The following ZNF257 variants were observed in gnomAD, a reference collection of about 807,000 sequenced individuals.
ZNF257 encodes the protein bone marrow zinc finger 4.
A neutral mutation model predicts 11.9 loss-of-function variants in ZNF257; 12 were observed. The ratio of observed to expected loss-of-function variants is 1.01; its 90% confidence interval spans 0.65 to 1.63. The LOEUF (loss-of-function observed/expected upper bound fraction) is 1.63. ZNF257 is among the 40% of genes most tolerant of loss of function. ZNF257 has a pLI of 0.00. For missense variants in ZNF257, 580 were observed against 665.5 expected (o/e 0.87, Z 1.41); for synonymous variants, 183 against 222.7 (o/e 0.82, Z 1.59).
At chr19:22,082,784 G>C (rs373099725) in intron 3 of ZNF257, among the ~76,000 whole-genome samples, 1 of 151,854 alleles carries the variant, frequency 6.6e-6, no homozygotes, top group African/African-American at 2.4e-5. Context: ...TTATATTTTT[G>C]TATTATATAT....
Position 22,086,548 on chromosome 19 carries a change from C to T in ZNF257, c.227-1429C>T, listed in dbSNP as rs145050673. 5.9e-3 allele frequency among the ~76,000 whole-genome samples: 894 copies of T among 151,886 alleles called. 9 individuals are homozygous for T. The highest frequency in any genetic ancestry group is 0.015 in the South Asian group (71 of 4,796). ...ATGATTATGTGTTGATTTCTTGCATCGTGTTATTTTCAGTGGAAGAAACTT... is the reference window on the plus strand; with the variant it reads ...ATGATTATGTGTTGATTTCTTGCATTGTGTTATTTTCAGTGGAAGAAACTT... On this transcript the variant is annotated intron_variant, in intron 3 of 3. Transcript: ENST00000594947.
intron 1 of ZNF257, among the ~76,000 whole-genome samples, chr19:22,054,917 T>TC (rs2021587835): frequency 9.1e-6 from 1 of 109,386 alleles, no homozygotes; most frequent in Admixed American, 8.5e-5. Context: ...ACTGGGTCTT[T>TC]TTTTTTTTTT....
intron 3 of ZNF257, among the ~76,000 whole-genome samples, chr19:22,077,385 A>T (rs976667135): frequency 2.0e-5 from 3 of 152,096 alleles, no homozygotes; most frequent in Non-Finnish European, 4.4e-5. Context: ...ACTTCCAGAA[A>T]TTTTCCATCT....
At chr19:22,058,893 T>C (rs1338049356) in intron 1 of ZNF257, among the ~76,000 whole-genome samples, 2 of 145,696 alleles carry the variant, frequency 1.4e-5, no homozygotes, top group Non-Finnish European at 3.1e-5. Flanking sequence ...AGCATTTTTA[T>C]CCTAATGTTT....
At chr19:22,073,005 TG>T in intron 2 of ZNF257, 70 bp downstream of exon 2, 2 of 1,411,474 alleles carry the variant, frequency 1.4e-6, no homozygotes, top group Non-Finnish European at 1.9e-6. Context: ...TTTTTTTTTT[TG>T]TAGAATGTTT....
At chr19:22,076,293 TAATA>T (rs886984660) in intron 3 of ZNF257, among the ~76,000 whole-genome samples, 4 of 149,896 alleles carry the variant, frequency 2.7e-5, no homozygotes, top group African/African-American at 7.3e-5. Context: ...ACAAAATAAA[TAATA>T]AATACATATA....
At chr19:22,057,685 G>A (rs1277119305) in intron 1 of ZNF257, among the ~76,000 whole-genome samples, 1 of 152,180 alleles carries the variant, frequency 6.6e-6, no homozygotes, top group Non-Finnish European at 1.5e-5. Flanking sequence ...GGCTGACAGG[G>A]ACTGACTTTC....
rs1355908954 is a variant in ZNF257, at chr19:22,074,495, G to T, written c.226+931G>T. 10 of 152,054 alleles carry T rather than the reference G, an allele frequency of 6.6e-5. 1 individual carries two copies. Among genetic ancestry groups the T allele is most frequent in the African/African-American group, 2.4e-4 (10 of 41,368 alleles). 9.4% of individuals were successfully genotyped at this position (152,054 alleles called of 1,614,324 possible). On this transcript the variant is annotated intron_variant, in intron 3 of 3. Coordinates refer to ENST00000594947, the MANE Select transcript of ZNF257 (RefSeq NM_033468.4). ...GCCTTTCAAGTAGCAGGGATTACAG[G>T]CACTCGCCACCATGCCTGGCTAATT... is the stretch of plus-strand genomic sequence containing the variant.
intron 1 of ZNF257, among the ~76,000 whole-genome samples, chr19:22,067,341 A>G (rs1428048695): frequency 2.0e-5 from 3 of 152,150 alleles, no homozygotes; most frequent in African/African-American, 7.2e-5. Flanking sequence ...ACACGTAGAC[A>G]TGAGAATCTC....
intron 1 of ZNF257, among the ~76,000 whole-genome samples, chr19:22,070,915 G>A (rs1195448583): frequency 6.6e-6 from 1 of 152,102 alleles, no homozygotes; most frequent in Non-Finnish European, 1.5e-5. Flanking sequence ...GTGGTTATAA[G>A]CCCAGACCTC....
chr19:22,091,462 A>C lies in ZNF257; in HGVS notation c.*2020A>C, dbSNP rs890586131. ...GCAACAAGAGCAAGACTTCGTCTCA[A>C]AAAAAAAAAAAAAAAAAAGACTTGT... On this transcript the variant is annotated 3_prime_UTR_variant, in exon 4 of 4. Coordinates refer to ENST00000594947, the MANE Select transcript of ZNF257 (RefSeq NM_033468.4). 1 of 148,338 alleles carries C rather than the reference A, an allele frequency of 6.7e-6. No individual in the cohort carries two copies. The highest frequency in any genetic ancestry group is 2.5e-5 in the African/African-American group (1 of 40,396). 9.2% of individuals were successfully genotyped at this position (148,338 alleles called of 1,614,324 possible). A position where few individuals can be genotyped will look rare whatever the true frequency, so the allele number is the denominator to read the frequency against.
chr19:22,080,357 C>T (rs1336724468), intron 3 of ZNF257, among the ~76,000 whole-genome samples: 3 of 152,142 alleles, frequency 2.0e-5, no homozygotes, highest in African/African-American at 7.2e-5. Context: ...CATGGGTTGG[C>T]ACCATCCTCT....
chr19:22,053,920 C>T (rs2021553165), intron 1 of ZNF257, among the ~76,000 whole-genome samples: 1 of 151,698 alleles, frequency 6.6e-6, no homozygotes, highest in Admixed American at 6.6e-5. Flanking sequence ...AGTGAAACTC[C>T]ATCTCAAAAA....
chr19:22,052,680 G>A (rs1971730961), intron 1 of ZNF257, 45 bp downstream of exon 1: 1 of 1,602,096 alleles, frequency 6.2e-7, no homozygotes, highest in South Asian at 1.1e-5. Flanking sequence ...GAAGGGGGTG[G>A]TTGGAACCTG....
intron 3 of ZNF257, 71 bp from the exon 4 acceptor site, chr19:22,087,906 A>G (rs1269246679): frequency 7.4e-7 from 1 of 1,355,220 alleles, no homozygotes. Context: ...ACAGTTTTAT[A>G]GGTTAGATTT....
chr19:22,063,632 G>A (rs989965775), intron 1 of ZNF257, among the ~76,000 whole-genome samples: 14 of 151,964 alleles, frequency 9.2e-5, no homozygotes, highest in African/African-American at 2.7e-4. Flanking sequence ...ATTTAAATGC[G>A]GGTTGTTTAA....
intron 3 of ZNF257, among the ~76,000 whole-genome samples, chr19:22,077,154 C>T (rs62110988): frequency 0.13 from 19,688 of 151,974 alleles, 1,475 homozygotes; most frequent in Middle Eastern, 0.2. Context: ...TCTCTCCACA[C>T]ACAAAAAATG....
chr19:22,071,598 G>A (rs1211058679), intron 1 of ZNF257, among the ~76,000 whole-genome samples: 1 of 151,822 alleles, frequency 6.6e-6, no homozygotes, highest in African/African-American at 2.4e-5. Flanking sequence ...CCTCCCTAAT[G>A]AGTTTGTTTT....
Position 22,089,005 on chromosome 19 carries a change from A to G in ZNF257, c.1255A>G (p.Thr419Ala), listed in dbSNP as rs1234914527. Residue 419 changes from threonine (T) to alanine (A), a missense_variant, in exon 4 of 4, where the codon ACT becomes GCT. By Grantham distance (58) the Thr-to-Ala change is moderately conservative. Coordinates refer to ENST00000594947, the MANE Select transcript of ZNF257 (RefSeq NM_033468.4). ...CTGGTCCTCAGCTCTTACTACCCTT[A>G]CTCAGCATAAGATAATTCATACTGG... ...FNWSSALTTLTQHKIIHTGEK... is the reference protein window; with the variant it reads ...FNWSSALTTLAQHKIIHTGEK... The G allele has an allele frequency of 6.2e-7, 1 of 1,613,088 alleles. No individual in the cohort carries two copies. Among genetic ancestry groups the G allele is most frequent in the Non-Finnish European group, 8.5e-7 (1 of 1,179,746 alleles).
Sources: allele counts gnomAD v4.1 joint callset (sites outside exome capture counted in the v4.1 genomes callset), GRCh38; gene constraint gnomAD v4.1.1; transcripts MANE v1.5; gene names NCBI Gene and HGNC (gene_info 2026-07-23, HGNC 2026-07-21).